NLRP13: variants seen among roughly 807,000 people sequenced by gnomAD.
The protein encoded by NLRP13 is NACHT, LRR and PYD domains-containing protein 13.
In NLRP13, 82 loss-of-function variants were observed where a neutral mutation model predicts 94.4. The observed-to-expected ratio is 0.87, with a 90% CI of 0.73 to 1.04. The LOEUF (loss-of-function observed/expected upper bound fraction) is 1.04. Ranked by LOEUF, NLRP13 falls within the 50% of genes least tolerant of loss-of-function variation. NLRP13 has a pLI of 0.00. For synonymous variants in NLRP13, 553 were observed against 464.7 expected (o/e 1.19, Z -2.45); for missense variants, 1,426 against 1,230.8 (o/e 1.16, Z -2.37).
At chr19:55,894,625 T>A (rs1468652550), downstream of NLRP13, among the ~76,000 whole-genome samples, 1 of 152,212 alleles carries the variant, frequency 6.6e-6, no homozygotes, top group Non-Finnish European at 1.5e-5. Flanking sequence ...CCCTCCTGTC[T>A]TATCTCAACC....
At chr19:55,922,141 A>C (rs1986844800) in intron 4 of NLRP13, among the ~76,000 whole-genome samples, 1 of 152,054 alleles carries the variant, frequency 6.6e-6, no homozygotes, top group African/African-American at 2.4e-5. Context: ...AGACTTACTC[A>C]CTGTCATGAG....
intron 1 of NLRP13, among the ~76,000 whole-genome samples, chr19:55,927,236 G>T (rs1986986430): frequency 6.6e-6 from 1 of 151,938 alleles, no homozygotes; most frequent in Non-Finnish European, 1.5e-5. Context: ...GGGTGTGGTG[G>T]TGGGCGCCTG....
chr19:55,900,897 G>T (rs1039322876), intron 9 of NLRP13, among the ~76,000 whole-genome samples: 8 of 152,064 alleles, frequency 5.3e-5, no homozygotes, highest in African/African-American at 1.9e-4. Context: ...TGAAGTTCGA[G>T]CATGGATTGT....
At chr19:55,894,294 G>C (rs1382261642), downstream of NLRP13, among the ~76,000 whole-genome samples, 2 of 151,942 alleles carry the variant, frequency 1.3e-5, no homozygotes, top group Non-Finnish European at 2.9e-5. Flanking sequence ...CTCCTGCCTT[G>C]GCCTCTCAAA....
intron 1 of NLRP13, among the ~76,000 whole-genome samples, chr19:55,927,979 G>A (rs1305898676): frequency 6.6e-6 from 1 of 152,120 alleles, no homozygotes; most frequent in South Asian, 2.1e-4. Flanking sequence ...CCACAACACT[G>A]GTCAAGTACA....
At position 55,912,454 on chromosome 19, in the gene NLRP13, G is replaced by T; in HGVS notation, c.1363C>A (p.Leu455Met). 6.2e-7 allele frequency: 1 copy of T among 1,614,190 alleles called. No homozygotes were observed. The highest frequency in any genetic ancestry group is 8.5e-7 in the Non-Finnish European group (1 of 1,180,034). The change falls in exon 5 of 11, where the codon CTG becomes ATG. Residue 455 changes from leucine to methionine, a missense_variant. By Grantham distance (15) the Leu-to-Met change is conservative. Coordinates refer to ENST00000342929, the MANE Select transcript of NLRP13 (RefSeq NM_176810.2). Reference protein sequence around the residue: ...LQSITQTTTSLYAYFFSNLFS... With the variant: ...LQSITQTTTSMYAYFFSNLFS... The stretch of plus-strand genomic sequence containing the variant: ...AAGTTGGAGAAAAAATAGGCATACA[G>T]ACTGGTGGTAGTCTGAGTGATTGAC...
rs749947899 is a variant in NLRP13, at chr19:55,911,905, G to T, written c.1912C>A (p.Leu638Ile). The T allele has an allele frequency of 8.1e-6, 13 of 1,614,014 alleles. No individual in the cohort carries two copies. The African/African-American group carries it at 1.6e-4, about 20-fold the overall frequency. Reference protein sequence around the residue: ...SASLQFHILRLFHCLHESQEE... With the variant: ...SASLQFHILRIFHCLHESQEE... ...TGGGACTCGTGTAGGCAGTGAAAAA[G>T]TCGTAGAATGTGAAATTGGAGAGAG... The change falls in exon 5 of 11, where the codon CTT (leucine) becomes ATT (isoleucine). Residue 638 changes from leucine (L) to isoleucine (I), a missense_variant. Physicochemically the swap from Leu to Ile is conservative, Grantham distance 5 (BLOSUM62 2). Coordinates refer to ENST00000342929, the MANE Select transcript of NLRP13 (RefSeq NM_176810.2).
Position 55,917,366 on chromosome 19 carries a change from G to T in NLRP13, c.524-4073C>A, listed in dbSNP as rs539236645. On this transcript the variant is annotated intron_variant, in intron 4 of 10. Transcript: ENST00000342929. ...AATTCCATCAAATCACAAAGAAAAA[G>T]AACAAAAAAATCTGCAAAGCAAATG... Among the ~76,000 whole-genome samples the T allele has an allele frequency of 4.2e-4, 63 of 151,484 alleles. No individual in the cohort carries two copies. In the South Asian group the frequency reaches 6.0e-3, roughly 14 times the overall value.
At chr19:55,909,465 G>C (rs1224728548) in intron 6 of NLRP13, among the ~76,000 whole-genome samples, 2 of 151,842 alleles carry the variant, frequency 1.3e-5, no homozygotes, top group African/African-American at 4.8e-5. Context: ...GGAAACCCTG[G>C]TGTTGCCTCC....
At chr19:55,924,535 G>T in intron 3 of NLRP13, 55 bp downstream of exon 3, 1 of 1,283,562 alleles carries the variant, frequency 7.8e-7, no homozygotes, top group Non-Finnish European at 1.1e-6. Flanking sequence ...GTGGACCAAT[G>T]AAACGAGTGT....
At chr19:55,911,650 C>A in intron 5 of NLRP13, 56 bp downstream of exon 5, 1 of 1,482,588 alleles carries the variant, frequency 6.7e-7, no homozygotes, top group Admixed American at 2.2e-5. Flanking sequence ...AAAGAATTTG[C>A]ACAGAGCCTG....
chr19:55,896,934 G>A (rs1298069392), intron 10 of NLRP13, among the ~76,000 whole-genome samples: 1 of 151,346 alleles, frequency 6.6e-6, no homozygotes, highest in African/African-American at 2.4e-5. Context: ...TCTTATCAAA[G>A]GTACATACTA....
chr19:55,904,481 A>G (rs769775479), intron 8 of NLRP13, among the ~76,000 whole-genome samples: 1 of 152,074 alleles, frequency 6.6e-6, no homozygotes, highest in East Asian at 1.9e-4. Context: ...CACCTGTTCA[A>G]ATAGGTTAGT....
chr19:55,895,739 T>C (rs543304543), downstream of NLRP13, among the ~76,000 whole-genome samples: 3 of 152,240 alleles, frequency 2.0e-5, no homozygotes, highest in South Asian at 2.1e-4. Context: ...ACACTAACCA[T>C]GTTTCAAGTG....
At chr19:55,926,750 C>T (rs1600279484) in intron 1 of NLRP13, among the ~76,000 whole-genome samples, 1 of 151,682 alleles carries the variant, frequency 6.6e-6, no homozygotes, top group South Asian at 2.1e-4. Context: ...TCTTAAAGGT[C>T]CCCCCAAAAA....
chr19:55,900,962 C>G (rs1986152460), intron 9 of NLRP13, among the ~76,000 whole-genome samples: 1 of 151,304 alleles, frequency 6.6e-6, no homozygotes, highest in Non-Finnish European at 1.5e-5. Context: ...TAACAAATCC[C>G]TTGACCGGCC....
At chr19:55,924,874 C>T in intron 2 of NLRP13, 93 bp downstream of exon 2, 1 of 1,133,628 alleles carries the variant, frequency 8.8e-7, no homozygotes, top group Non-Finnish European at 1.3e-6. Flanking sequence ...ACTATAAATT[C>T]AAGAAATTTC....
chr19:55,930,628 G>A (rs573965152), intron 1 of NLRP13, among the ~76,000 whole-genome samples: 7 of 141,030 alleles, frequency 5.0e-5, no homozygotes, highest in African/African-American at 8.1e-5. Flanking sequence ...GGAGAGTGCA[G>A]TAAGCCAAGA....
At chr19:55,900,259 C>T (rs1986130453) in intron 9 of NLRP13, among the ~76,000 whole-genome samples, 1 of 151,774 alleles carries the variant, frequency 6.6e-6, no homozygotes, top group Non-Finnish European at 1.5e-5. Flanking sequence ...AAAAAATCAG[C>T]AAATTTTATC....
Sources: allele counts gnomAD v4.1 joint callset (sites outside exome capture counted in the v4.1 genomes callset), GRCh38; gene constraint gnomAD v4.1.1; transcripts MANE v1.5; gene names NCBI Gene and HGNC (gene_info 2026-07-23, HGNC 2026-07-21).